Variants in VPS8 observed in about 807,000 individuals in gnomAD.
VPS8 encodes VPS8 subunit of CORVET complex.
A neutral mutation model predicts 216.4 loss-of-function variants in VPS8; 129 were observed. The ratio of observed to expected loss-of-function variants is 0.60; its 90% CI spans 0.52 to 0.69. VPS8 has a LOEUF of 0.69. VPS8 is among the 30% of genes least tolerant of loss of function. The probability of loss-of-function intolerance (pLI) is 0.00; values close to 1 mark genes in which losing one functional copy is unlikely to be tolerated. For synonymous variants in VPS8, 571 were observed against 565.4 expected (o/e 1.01, Z -0.14); for missense variants, 1,531 against 1,683.5 (o/e 0.91, Z 1.59).
intron 46 of VPS8, among the ~76,000 whole-genome samples, chr3:185,027,779 T>G (rs1051913550): frequency 2.6e-5 from 4 of 152,178 alleles, no homozygotes; most frequent in Admixed American, 2.6e-4. Context: ...GAAGCAGGGT[T>G]TTGTTACTCT....
intron 40 of VPS8, among the ~76,000 whole-genome samples, chr3:184,978,030 C>G (rs1055286787): frequency 6.6e-6 from 1 of 151,274 alleles, no homozygotes; most frequent in African/African-American, 2.4e-5. Context: ...TTTTATATGC[C>G]TGGTAGAATT....
intron 3 of VPS8, among the ~76,000 whole-genome samples, chr3:184,827,142 A>G (rs1299950724): frequency 6.6e-6 from 1 of 152,272 alleles, no homozygotes; most frequent in Non-Finnish European, 1.5e-5. Context: ...AGGCCCACGT[A>G]TACCAAAGCT....
intron 5 of VPS8, among the ~76,000 whole-genome samples, chr3:184,835,245 A>C (rs1720809881): frequency 6.6e-6 from 1 of 152,098 alleles, no homozygotes; most frequent in African/African-American, 2.4e-5. Flanking sequence ...AAATGAGAAG[A>C]TAGGCTCAGG....
intron 32 of VPS8, 26 bp from the exon 33 acceptor site, chr3:184,929,554 C>A: frequency 7.4e-7 from 1 of 1,353,560 alleles, no homozygotes; most frequent in Non-Finnish European, 1.0e-6. Context: ...GTTTGGTACA[C>A]TGAAGTTTTT....
chr3:185,024,060 C>A (rs556339610), intron 45 of VPS8, among the ~76,000 whole-genome samples: 1 of 152,308 alleles, frequency 6.6e-6, no homozygotes, highest in East Asian at 1.9e-4. Context: ...CACCAAAGAT[C>A]TATTATCTAT....
chr3:184,936,941 T>C (rs1741759358), intron 35 of VPS8, among the ~76,000 whole-genome samples: 2 of 152,212 alleles, frequency 1.3e-5, no homozygotes, highest in Middle Eastern at 3.4e-3. Context: ...GGTTTCACCA[T>C]GTTACCAGGT....
chr3:184,905,801 C>T (rs1228502513), intron 25 of VPS8, among the ~76,000 whole-genome samples: 3 of 152,008 alleles, frequency 2.0e-5, no homozygotes, highest in Admixed American at 1.3e-4. Flanking sequence ...AAGTGTTCAA[C>T]TTCATTAGTA....
At chr3:184,958,275 C>T (rs1421896827) in intron 37 of VPS8, among the ~76,000 whole-genome samples, 1 of 152,024 alleles carries the variant, frequency 6.6e-6, no homozygotes, top group African/African-American at 2.4e-5. Context: ...GAAAATGGGT[C>T]AGTTTAGTTA....
intron 33 of VPS8, 146 bp downstream of exon 33, chr3:184,929,810 G>A: frequency 7.5e-6 from 4 of 531,576 alleles, no homozygotes; most frequent in Non-Finnish European, 9.6e-6. Context: ...TTGCAGTTTT[G>A]GAATGTATAA....
intron 1 of VPS8, among the ~76,000 whole-genome samples, chr3:184,822,508 A>G (rs1048266784): frequency 6.6e-6 from 1 of 152,218 alleles, no homozygotes; most frequent in East Asian, 1.9e-4. Context: ...AAAGAGATAA[A>G]ATATGAAACA....
intron 38 of VPS8, among the ~76,000 whole-genome samples, chr3:184,965,155 G>A (rs1010415314): frequency 2.6e-5 from 4 of 152,202 alleles, no homozygotes; most frequent in African/African-American, 9.6e-5. Context: ...GTTTTGTTTT[G>A]TTGTGTTTTT....
At chr3:184,979,490 G>T (rs1431956280) in intron 40 of VPS8, among the ~76,000 whole-genome samples, 2 of 152,100 alleles carry the variant, frequency 1.3e-5, no homozygotes, top group Non-Finnish European at 2.9e-5. Context: ...CCCATTGTTG[G>T]GTGCATATGT....
chr3:184,953,232 A>AAG (rs1745019071), intron 36 of VPS8, among the ~76,000 whole-genome samples: 1 of 152,238 alleles, frequency 6.6e-6, no homozygotes, highest in Non-Finnish European at 1.5e-5. Context: ...AAGACCAGAC[A>AAG]TCCCTGATGG....
At chr3:184,986,299 C>T (rs1751059311) in intron 42 of VPS8, among the ~76,000 whole-genome samples, 2 of 151,978 alleles carry the variant, frequency 1.3e-5, no homozygotes, top group African/African-American at 4.8e-5. Flanking sequence ...TAAGTGTGCT[C>T]AGAACATAGG....
At chr3:184,940,490 A>G (rs1742485474) in intron 36 of VPS8, among the ~76,000 whole-genome samples, 1 of 152,078 alleles carries the variant, frequency 6.6e-6, no homozygotes, top group African/African-American at 2.4e-5. Flanking sequence ...CATGGGTGTA[A>G]ATAAAATAAT....
At chr3:184,936,430 A>G in intron 35 of VPS8, 95 bp downstream of exon 35, 1 of 1,189,756 alleles carries the variant, frequency 8.4e-7, no homozygotes, top group Non-Finnish European at 1.2e-6. Flanking sequence ...TGATTTCTTC[A>G]GTTGACATTT....
chr3:184,871,101 T>C (rs966225677), intron 21 of VPS8, among the ~76,000 whole-genome samples: 1 of 152,102 alleles, frequency 6.6e-6, no homozygotes, highest in African/African-American at 2.4e-5. Flanking sequence ...GCTGACATCC[T>C]GCTCGTCTAA....
At chr3:184,886,520 T>C (rs537702379) in intron 22 of VPS8, among the ~76,000 whole-genome samples, 1 of 143,258 alleles carries the variant, frequency 7.0e-6, no homozygotes, top group Non-Finnish European at 1.5e-5. Context: ...CACACACACA[T>C]ACACATATAC....
chr3:184,926,684 T>C (rs1046803001), intron 31 of VPS8, 34 bp downstream of exon 31: 6 of 1,567,478 alleles, frequency 3.8e-6, no homozygotes, highest in Non-Finnish European at 5.2e-6. Context: ...TGCTAAAAAA[T>C]AGGAAAGAAG....
Sources: gnomAD v4.1 joint callset for allele counts (sites outside exome capture counted in the v4.1 genomes callset) on GRCh38, gnomAD v4.1.1 for gene constraint, MANE v1.5 for transcripts, NCBI Gene and HGNC (gene_info 2026-07-23, HGNC 2026-07-21) for gene names.